Variants in ARAP1 observed in about 807,000 individuals in gnomAD.
ARAP1 encodes the protein arf-GAP with Rho-GAP domain, ANK repeat and PH domain-containing protein 1.
A neutral mutation model predicts 172.2 loss-of-function variants in ARAP1; 76 were observed. The observed-to-expected ratio is 0.44, with a 90% CI of 0.37 to 0.53. ARAP1 has a LOEUF of 0.53. Among genes scored for constraint, ARAP1 ranks in the 20% least tolerant of loss-of-function variants. ARAP1 has a pLI of 0.00. For missense variants in ARAP1, 1,686 were observed against 1,977.5 expected, an observed-to-expected ratio of 0.85 and a Z score of 2.80; for synonymous variants, 804 against 803.3, an observed-to-expected ratio of 1.00 and a Z score of -0.01.
chr11:72,699,684 A>T lies in ARAP1; in HGVS notation c.2303-132T>A. 6 of 1,269,872 alleles carry T rather than the reference A, an allele frequency of 4.7e-6. No individual in the cohort carries two copies. The highest frequency in any genetic ancestry group is 6.4e-6 in the Non-Finnish European group (6 of 932,082). The allele number at this position is 1,269,872 out of a possible 1,614,324, so 78.7% of individuals were successfully genotyped here. On this transcript the variant is annotated intron_variant, in intron 16 of 34. Transcript: ENST00000393609. This position sits in a 1 kb window ranked among gnomAD's most constrained non-coding sequence, Gnocchi z 4.2. ...ATTCTCTCAAGTTTTCCCTAAATCC[A>T]TCCACCTCTCTGCATCCCCACCACG...
At chr11:72,721,193 T>C (rs1261541146) in intron 3 of ARAP1, among the ~76,000 whole-genome samples, 1 of 152,116 alleles carries the variant, frequency 6.6e-6, no homozygotes, top group Non-Finnish European at 1.5e-5. Flanking sequence ...AGGACTTGGT[T>C]AGAGGTCTAT....
In ARAP1 at chr11:72,699,324, G is replaced by A. The variant is rs530352927; in HGVS notation, c.2438+93C>T. 1.5e-5 allele frequency: 23 copies of A among 1,570,386 alleles called. No individual in the cohort carries two copies. The East Asian group carries it at 4.3e-4, about 29-fold the overall frequency. On this transcript the variant is annotated intron_variant, in intron 17 of 34. Transcript: ENST00000393609. This position sits in a 1 kb window ranked among gnomAD's most constrained non-coding sequence, Gnocchi z 4.2. Reference sequence around the variant, plus strand: ...TCCGTTTGCTGTGTGACTCTGCGGAGGTCCTCCCCTTCTCTGGGTCTATTT... The same window carrying A: ...TCCGTTTGCTGTGTGACTCTGCGGAAGTCCTCCCCTTCTCTGGGTCTATTT...
intron 3 of ARAP1, among the ~76,000 whole-genome samples, chr11:72,719,781 C>A (rs1389900549): frequency 1.3e-5 from 2 of 152,150 alleles, no homozygotes; most frequent in Non-Finnish European, 2.9e-5. Context: ...ACTCACCCCA[C>A]TACTCACACT....
intron 3 of ARAP1, among the ~76,000 whole-genome samples, chr11:72,724,651 C>A (rs896465459): frequency 6.6e-6 from 1 of 152,284 alleles, no homozygotes; most frequent in African/African-American, 2.4e-5. Flanking sequence ...AGACCATACA[C>A]TCTCTGAGTT....
intron 14 of ARAP1, 172 bp from the exon 15 acceptor site, chr11:72,703,251 A>AG: frequency 1.4e-6 from 1 of 730,462 alleles, no homozygotes; most frequent in Non-Finnish European, 2.1e-6. Context: ...GAGGGAAGAG[A>AG]GAGGCCAAGG....
At position 72,699,192 on chromosome 11, in the gene ARAP1, C is replaced by G; in HGVS notation, c.2439-85G>C. 6.7e-7 allele frequency: 1 copy of G among 1,487,328 alleles called. No homozygotes were observed. The highest frequency in any genetic ancestry group is 9.3e-7 in the Non-Finnish European group (1 of 1,072,486). The allele number at this position is 1,487,328 out of a possible 1,614,324, so 92.1% of individuals were successfully genotyped here. A position where few individuals can be genotyped will look rare whatever the true frequency, so the allele number is the denominator to read the frequency against. ...CCGCACCATCAACCGCCATCCTCTGCCCCCTCCGCACTGCCTTGGCGCTTG... is the reference window on the plus strand; with the variant it reads ...CCGCACCATCAACCGCCATCCTCTGGCCCCTCCGCACTGCCTTGGCGCTTG... On this transcript the variant is annotated intron_variant, in intron 17 of 34. Transcript: ENST00000393609. This position sits in a 1 kb window ranked among gnomAD's most constrained non-coding sequence, Gnocchi z 4.2.
intron 1 of ARAP1, among the ~76,000 whole-genome samples, chr11:72,748,535 G>C (rs1858441623): frequency 6.7e-6 from 1 of 148,988 alleles, no homozygotes; most frequent in Admixed American, 6.6e-5. Context: ...AAAAAAAAAT[G>C]ATTTGTTATT....
At chr11:72,737,826 G>A (rs533558013) in intron 1 of ARAP1, among the ~76,000 whole-genome samples, 2 of 152,240 alleles carry the variant, frequency 1.3e-5, no homozygotes, top group East Asian at 3.9e-4. Context: ...GTTTTGCCAC[G>A]TTGCCCAGGC....
rs905009796 is a variant in ARAP1, at chr11:72,752,379, C to G, written c.-179G>C. 6.6e-6 allele frequency: 1 copy of G among 152,258 alleles called. No individual in the cohort carries two copies. The highest frequency in any genetic ancestry group is 2.4e-5 in the African/African-American group (1 of 41,416). The allele number at this position is 152,258 out of a possible 1,614,324, so 9.4% of individuals were successfully genotyped here. A position where few individuals can be genotyped will look rare whatever the true frequency, so the allele number is the denominator to read the frequency against. ...GGACCAGGCGTACCGGCGCCGCCAC[C>G]GACTTACACCGCCACCGCCAAATTG... On this transcript the variant is annotated 5_prime_UTR_variant, in exon 1 of 35. Transcript: ENST00000393609.
intron 2 of ARAP1, among the ~76,000 whole-genome samples, chr11:72,727,706 G>A (rs1857739312): frequency 6.6e-6 from 1 of 152,226 alleles, no homozygotes; most frequent in South Asian, 2.1e-4. Flanking sequence ...TGCCCCTGGA[G>A]GAAGTGAAAT....
rs887943398 is a variant in ARAP1, at chr11:72,741,675, C to T, written c.-127-9078G>A. On this transcript the variant is annotated intron_variant, in intron 1 of 34. Coordinates refer to ENST00000393609, the MANE Select transcript of ARAP1 (RefSeq NM_001040118.3). The surrounding 1 kb of genome is among the most constrained non-coding windows in gnomAD (Gnocchi z 4.5). The stretch of plus-strand genomic sequence containing the variant: ...AGAAACAGGAAGAGACAGGGCTGAC[C>T]GCAGCAGGGTGGGAGTGCACAGGGC... Among the ~76,000 whole-genome samples the T allele has an allele frequency of 6.6e-6, 1 of 152,138 alleles. No homozygotes were observed. Among genetic ancestry groups the T allele is most frequent in the Non-Finnish European group, 1.5e-5 (1 of 68,008 alleles).
intron 5 of ARAP1, 158 bp from the exon 6 acceptor site, chr11:72,712,726 CCACA>C (rs992737875): frequency 8.2e-7 from 1 of 1,223,360 alleles, no homozygotes; most frequent in Admixed American, 1.9e-5. Context: ...CCAGCGGAGA[CCACA>C]CAGAGACCCA....
At position 72,698,074 on chromosome 11, in the gene ARAP1, C is replaced by A; in HGVS notation, c.2574G>T (p.Leu858=). The A allele has an allele frequency of 6.2e-7, 1 of 1,605,682 alleles. No individual in the cohort carries two copies. The highest frequency in any genetic ancestry group is 1.1e-5 in the South Asian group (1 of 89,504). ...AFVPPLAEDL[L]ARDFERLGRL... Reference sequence around the variant, plus strand: ...GTCCCAGCCGCTCAAAATCCCGGGCCAGCAGATCCTCGGCTAGGGGAGGCA... The same window carrying A: ...GTCCCAGCCGCTCAAAATCCCGGGCAAGCAGATCCTCGGCTAGGGGAGGCA... Residue 858 remains leucine, a synonymous_variant, in exon 19 of 35, where the codon CTG becomes CTT. Coordinates refer to ENST00000393609, the MANE Select transcript of ARAP1 (RefSeq NM_001040118.3).
chr11:72,747,260 G>A (rs1858396132), intron 1 of ARAP1, among the ~76,000 whole-genome samples: 1 of 152,176 alleles, frequency 6.6e-6, no homozygotes. Context: ...GGACAGGAGG[G>A]AGATTTTAAC....
At chr11:72,724,543 G>A (rs988488601) in intron 3 of ARAP1, among the ~76,000 whole-genome samples, 1 of 152,118 alleles carries the variant, frequency 6.6e-6, no homozygotes, top group African/African-American at 2.4e-5. Context: ...CAGGGTCCAT[G>A]TTGGCCCCCA....
At chr11:72,752,094 C>A (rs1469656871) in intron 1 of ARAP1, among the ~76,000 whole-genome samples, 7 of 152,228 alleles carry the variant, frequency 4.6e-5, no homozygotes, top group Non-Finnish European at 7.3e-5. Context: ...CAAAGGGCTA[C>A]GGGCTGGAAG....
In ARAP1 at chr11:72,685,302, C is replaced by T. The variant is rs1262518143; in HGVS notation, c.*362G>A. On this transcript the variant is annotated 3_prime_UTR_variant, in exon 35 of 35. Coordinates refer to ENST00000393609, the MANE Select transcript of ARAP1 (RefSeq NM_001040118.3). The stretch of plus-strand genomic sequence containing the variant: ...GGAGTTTGTTGGGAGGAGCAGGGGG[C>T]TCCCTTCCGGCAGGGCCCCAGGGCC... The T allele has an allele frequency of 3.1e-6, 1 of 317,770 alleles. No homozygotes were observed. Among genetic ancestry groups the T allele is most frequent in the African/African-American group, 2.2e-5 (1 of 45,958 alleles). The allele number at this position is 317,770 out of a possible 1,614,324, so 19.7% of individuals were successfully genotyped here.
intron 5 of ARAP1, 159 bp from the exon 6 acceptor site, chr11:72,712,727 C>T (rs1341286395): frequency 5.0e-6 from 6 of 1,201,944 alleles, no homozygotes; most frequent in African/African-American, 1.5e-5. Context: ...CAGCGGAGAC[C>T]ACACAGAGAC....
chr11:72,697,113 C>T lies in ARAP1; in HGVS notation c.3036G>A (p.Ala1012=), dbSNP rs141564178. The T allele has an allele frequency of 1.4e-4, 225 of 1,607,178 alleles. 1 individual carries two copies. The African/African-American group carries it at 2.7e-3, about 20-fold the overall frequency. ...QRLLESLRQD[A]RSVHLKEGEQ... is the part of the protein sequence containing the mutation. ...CGCCCTCCTTGAGGTGCACAGAGCG[C>T]GCATCCTGCCGCAGGCTCTCCAGCA... Residue 1012 remains alanine, a synonymous_variant, in exon 22 of 35, where the codon GCG becomes GCA. Transcript: ENST00000393609.
Sources: gnomAD v4.1 joint callset for allele counts (sites outside exome capture counted in the v4.1 genomes callset) on GRCh38, gnomAD v4.1.1 for gene constraint, Gnocchi (gnomAD v3.1) non-coding constraint, MANE v1.5 for transcripts, NCBI Gene and HGNC (gene_info 2026-07-23, HGNC 2026-07-21) for gene names.